Variants in RALB observed in about 807,000 individuals in gnomAD.
RALB encodes the protein RAS like proto-oncogene B.
Under a neutral mutation model 21.3 loss-of-function variants are expected in RALB, and 16 were observed. The ratio of observed to expected loss-of-function variants is 0.75; its 90% CI spans 0.51 to 1.14. RALB has a LOEUF of 1.14. RALB is among the 50% of genes most tolerant of loss of function. RALB has a pLI of 0.00. For missense variants in RALB, 161 were observed against 256.2 expected, an observed-to-expected ratio of 0.63 and a Z score of 2.54; for synonymous variants, 93 against 96.1, an observed-to-expected ratio of 0.97 and a Z score of 0.19.
upstream of RALB, among the ~76,000 whole-genome samples, chr2:120,252,370 T>A (rs1042089701): frequency 2.0e-5 from 3 of 152,090 alleles, no homozygotes; most frequent in African/African-American, 7.2e-5. Flanking sequence ...GCAGGTGGAG[T>A]CCCGCCCCAA....
upstream of RALB, chr2:120,252,647 C>A (rs557297605): frequency 7.1e-4 from 243 of 343,924 alleles, no homozygotes; most frequent in African/African-American, 5.1e-3. Context: ...GGCAGGCGCG[C>A]TGGGCCCGCC....
chr2:120,265,640 A>C (rs1241022586), intron 1 of RALB, among the ~76,000 whole-genome samples: 2 of 152,188 alleles, frequency 1.3e-5, no homozygotes, highest in Non-Finnish European at 2.9e-5. Context: ...CCACTCATAG[A>C]GCACAGACCA....
At chr2:120,253,420 TG>T in intron 1 of RALB, 1 of 985,578 alleles carries the variant, frequency 1.0e-6, no homozygotes, top group Non-Finnish European at 1.2e-6. Flanking sequence ...AACTGGGCGG[TG>T]TTCCTAAAGG....
intron 1 of RALB, among the ~76,000 whole-genome samples, chr2:120,262,233 T>C (rs1466741030): frequency 6.6e-6 from 1 of 152,076 alleles, no homozygotes; most frequent in Non-Finnish European, 1.5e-5. Flanking sequence ...CGGATGGGGC[T>C]AACAGAGGTA....
chr2:120,266,189 A>G (rs1689496070), intron 1 of RALB, among the ~76,000 whole-genome samples: 1 of 152,204 alleles, frequency 6.6e-6, no homozygotes, highest in African/African-American at 2.4e-5. Context: ...CTGAGGCAGG[A>G]GAGTCACTTG....
At chr2:120,256,346 T>A (rs1193152569) in intron 1 of RALB, among the ~76,000 whole-genome samples, 1 of 152,026 alleles carries the variant, frequency 6.6e-6, no homozygotes, top group Non-Finnish European at 1.5e-5. Flanking sequence ...ATGATAATGA[T>A]CAAGATGGAA....
At chr2:120,277,704 TG>T (rs1689854254) in intron 1 of RALB, among the ~76,000 whole-genome samples, 1 of 150,944 alleles carries the variant, frequency 6.6e-6, no homozygotes, top group Non-Finnish European at 1.5e-5. Context: ...TGTATGTGGG[TG>T]TGTGTGATAG....
intron 1 of RALB, among the ~76,000 whole-genome samples, chr2:120,273,183 G>C (rs970156956): frequency 1.1e-4 from 17 of 151,992 alleles, no homozygotes; most frequent in Non-Finnish European, 1.9e-4. Flanking sequence ...TAAAGGCTCA[G>C]AGTTTAGAGT....
At chr2:120,278,855 C>G in intron 2 of RALB, 77 bp downstream of exon 2, 1 of 1,331,204 alleles carries the variant, frequency 7.5e-7, no homozygotes, top group Non-Finnish European at 9.9e-7. Context: ...GTTTCTGTGC[C>G]GGTCCTCCCG....
intron 1 of RALB, among the ~76,000 whole-genome samples, chr2:120,245,014 C>A (rs923983475): frequency 6.6e-6 from 1 of 152,190 alleles, no homozygotes; most frequent in Admixed American, 6.5e-5. Flanking sequence ...TTTCGTCAGC[C>A]CTGGTGCCGA....
intron 4 of RALB, among the ~76,000 whole-genome samples, chr2:120,290,887 T>A (rs946832715): frequency 6.6e-6 from 1 of 152,232 alleles, no homozygotes; most frequent in Non-Finnish European, 1.5e-5. Flanking sequence ...TCTCACTGCA[T>A]ATCCATGTGC....
chr2:120,248,164 G>C (rs141083075), upstream of RALB, among the ~76,000 whole-genome samples: 3 of 152,304 alleles, frequency 2.0e-5, no homozygotes, highest in East Asian at 5.8e-4. Context: ...GAGAATGGCT[G>C]TTCCCCCATC....
intron 1 of RALB, among the ~76,000 whole-genome samples, chr2:120,276,558 G>A (rs768597502): frequency 7.9e-5 from 12 of 151,478 alleles, no homozygotes; most frequent in Non-Finnish European, 1.3e-4. Flanking sequence ...AGCCGAGATC[G>A]TTCCATTGCA....
rs924793071 is a variant in RALB, at chr2:120,292,790, T to TA, written c.502-338dup. Among the ~76,000 whole-genome samples, 163 of 144,796 alleles carry TA rather than the reference T, an allele frequency of 1.1e-3. 1 individual carries two copies. Among genetic ancestry groups the TA allele is most frequent in the African/African-American group, 2.8e-3 (111 of 39,490 alleles). The allele number at this position is 144,796 out of a possible 152,430, so 95.0% of individuals were successfully genotyped here. A position where few individuals can be genotyped will look rare whatever the true frequency, so the allele number is the denominator to read the frequency against. On this transcript the variant is annotated intron_variant, in intron 4 of 4. Coordinates refer to ENST00000272519, the MANE Select transcript of RALB (RefSeq NM_002881.3). ...AATATGGGGAGACCCTGTCTGAATT[T>TA]AAAAAAAAAAAAAGCTGCTGCTGCA...
Position 120,269,502 on chromosome 2 carries a change from T to C in RALB, c.-47-9116T>C, listed in dbSNP as rs938011375. 2.6e-5 allele frequency among the ~76,000 whole-genome samples: 4 copies of C among 152,050 alleles called. No homozygotes were observed. The East Asian group carries it at 5.8e-4, about 22-fold the overall frequency. ...CTGCTGATTGGTCCATTTTACAGAG[T>C]GCTGATTGGTCCATTTTAGAGAGCA... On this transcript the variant is annotated intron_variant, in intron 1 of 4. Coordinates refer to ENST00000272519, the MANE Select transcript of RALB (RefSeq NM_002881.3).
rs890000907 is a variant in RALB at position 120,294,169 on chromosome 2, CT to C, written c.*910del. The C allele has an allele frequency of 2.5e-6, 1 of 398,460 alleles. No homozygotes were observed. The highest frequency in any genetic ancestry group is 2.1e-5 in the African/African-American group (1 of 48,600). 24.7% of individuals were successfully genotyped at this position (398,460 alleles called of 1,614,324 possible). A position where few individuals can be genotyped will look rare whatever the true frequency, so the allele number is the denominator to read the frequency against. Reference sequence around the variant, plus strand: ...CACTGCACACGGAGGTCTAGTGAGCCTCTTGCTAAGTGTCACACACACTCTT... The same window carrying C: ...CACTGCACACGGAGGTCTAGTGAGCCCTTGCTAAGTGTCACACACACTCTT... On this transcript the variant is annotated 3_prime_UTR_variant, in exon 5 of 5. Coordinates refer to ENST00000272519, the MANE Select transcript of RALB (RefSeq NM_002881.3).
chr2:120,265,823 GT>G (rs1449621296), intron 1 of RALB, among the ~76,000 whole-genome samples: 4 of 152,188 alleles, frequency 2.6e-5, no homozygotes, highest in African/African-American at 9.7e-5. Flanking sequence ...CTCTAAATAG[GT>G]TTTATTTGAA....
At chr2:120,250,553 A>T (rs182628895), upstream of RALB, among the ~76,000 whole-genome samples, 3 of 152,192 alleles carry the variant, frequency 2.0e-5, no homozygotes, top group African/African-American at 2.4e-5. Context: ...AGCACTAAAG[A>T]CTCCCACAGT....
intron 1 of RALB, among the ~76,000 whole-genome samples, chr2:120,261,939 G>A (rs1689376241): frequency 6.6e-6 from 1 of 152,176 alleles, no homozygotes; most frequent in Admixed American, 6.5e-5. Flanking sequence ...TGAAGTTCAG[G>A]TAATGACCAT....
Sources: allele counts gnomAD v4.1 joint callset (sites outside exome capture counted in the v4.1 genomes callset), GRCh38; gene constraint gnomAD v4.1.1; transcripts MANE v1.5; gene names NCBI Gene and HGNC (gene_info 2026-07-23, HGNC 2026-07-21).